TMEM244: variants seen among roughly 807,000 people sequenced by gnomAD.
TMEM244 encodes the protein transmembrane protein 244, also known as putative transmembrane protein 244.
In TMEM244, 13 loss-of-function variants were observed where a neutral mutation model predicts 15.8. The observed-to-expected ratio is 0.82, with a 90% CI of 0.53 to 1.30. The LOEUF is 1.30. Ranked by LOEUF, TMEM244 falls within the 50% of genes most tolerant of loss-of-function variation. The pLI is 0.00. For missense variants in TMEM244, 161 were observed against 144.9 expected, an observed-to-expected ratio of 1.11 and a Z score of -0.57; for synonymous variants, 45 against 48.7, an observed-to-expected ratio of 0.92 and a Z score of 0.32.
At chr6:129,835,377 T>A (rs1107821) in intron 3 of TMEM244, among the ~76,000 whole-genome samples, 55,208 of 150,222 alleles carry the variant, frequency 0.37, 10,568 homozygotes, top group South Asian at 0.5. Context: ...CACTCGAGAC[T>A]GGGTGACAGA....
intron 1 of TMEM244, among the ~76,000 whole-genome samples, chr6:129,860,866 C>T (rs1365615697): frequency 3.3e-5 from 5 of 151,158 alleles, no homozygotes; most frequent in South Asian, 2.1e-4. Context: ...TTTCAGAAAA[C>T]GATAGCAGAC....
chr6:129,846,017 G>A (rs1416882999), intron 1 of TMEM244, among the ~76,000 whole-genome samples, 165 bp from the exon 2 acceptor site: 2 of 152,156 alleles, frequency 1.3e-5, no homozygotes, highest in Non-Finnish European at 2.9e-5. Flanking sequence ...CCATCTTGGA[G>A]CTTCTTTAGC....
intron 3 of TMEM244, among the ~76,000 whole-genome samples, chr6:129,839,830 T>C (rs768850938): frequency 5.0e-4 from 76 of 152,274 alleles, no homozygotes; most frequent in South Asian, 8.3e-4. Flanking sequence ...CCATTCACAA[T>C]TGCTACAAAG....
At chr6:129,855,008 C>T (rs1396153797) in intron 1 of TMEM244, among the ~76,000 whole-genome samples, 1 of 152,120 alleles carries the variant, frequency 6.6e-6, no homozygotes, top group Non-Finnish European at 1.5e-5. Context: ...TTTTAAGAAA[C>T]CTCTCAGGTG....
chr6:129,835,241 GA>G (rs1224219017), intron 3 of TMEM244, among the ~76,000 whole-genome samples: 3 of 151,820 alleles, frequency 2.0e-5, no homozygotes, highest in Admixed American at 6.6e-5. Flanking sequence ...AAAAGAAATT[GA>G]AAAAAACTTA....
intron 3 of TMEM244, among the ~76,000 whole-genome samples, chr6:129,837,217 G>A (rs1168629275): frequency 6.6e-6 from 1 of 152,238 alleles, no homozygotes; most frequent in Non-Finnish European, 1.5e-5. Flanking sequence ...CAGACTAACA[G>A]TGGATCTCTT....
chr6:129,847,675 A>AC (rs1455477144), intron 1 of TMEM244, among the ~76,000 whole-genome samples: 1 of 150,636 alleles, frequency 6.6e-6, no homozygotes, highest in African/African-American at 2.4e-5. Flanking sequence ...GCCTATGTCC[A>AC]CCCCTAGCCC....
chr6:129,838,861 C>T (rs1391597284), intron 3 of TMEM244, among the ~76,000 whole-genome samples: 2 of 152,158 alleles, frequency 1.3e-5, no homozygotes, highest in Non-Finnish European at 2.9e-5. Flanking sequence ...CACATACACC[C>T]TCCCAAGACT....
At chr6:129,852,906 C>T (rs1403358737) in intron 1 of TMEM244, among the ~76,000 whole-genome samples, 1 of 152,170 alleles carries the variant, frequency 6.6e-6, no homozygotes, top group African/African-American at 2.4e-5. Flanking sequence ...TTTTCTCCCT[C>T]AAGACCTGGT....
chr6:129,833,358 A>G, intron 4 of TMEM244, 102 bp downstream of exon 4: 1 of 1,292,514 alleles, frequency 7.7e-7, no homozygotes, highest in South Asian at 2.0e-5. Context: ...TCTAGCTATC[A>G]TACAAGAATA....
intron 2 of TMEM244, 96 bp downstream of exon 2, chr6:129,845,671 C>T (rs543482640): frequency 2.1e-6 from 2 of 937,382 alleles, no homozygotes; most frequent in African/African-American, 1.7e-5. Context: ...AATCCACATC[C>T]TCTAATCCAT....
chr6:129,838,610 C>T (rs932010618), intron 3 of TMEM244, among the ~76,000 whole-genome samples: 12 of 152,078 alleles, frequency 7.9e-5, no homozygotes, highest in African/African-American at 2.6e-4. Flanking sequence ...GATGGAGACA[C>T]AAAAACCCTT....
intron 3 of TMEM244, among the ~76,000 whole-genome samples, chr6:129,834,084 C>T (rs9492394): frequency 0.37 from 56,171 of 152,084 alleles, 10,817 homozygotes; most frequent in South Asian, 0.5. Flanking sequence ...TCGTTCAGAT[C>T]GTCACTTGGG....
intron 3 of TMEM244, among the ~76,000 whole-genome samples, chr6:129,838,982 C>A (rs886785857): frequency 1.3e-5 from 2 of 152,100 alleles, no homozygotes; most frequent in Admixed American, 6.6e-5. Context: ...GGATTCATAG[C>A]CAAATTCTAC....
At chr6:129,857,217 A>G (rs1372090813) in intron 1 of TMEM244, among the ~76,000 whole-genome samples, 1 of 151,938 alleles carries the variant, frequency 6.6e-6, no homozygotes, top group African/African-American at 2.4e-5. Context: ...CTGTAAATAG[A>G]GATAGTTTTA....
At chr6:129,850,612 C>A (rs2114643300) in intron 1 of TMEM244, among the ~76,000 whole-genome samples, 1 of 152,242 alleles carries the variant, frequency 6.6e-6, no homozygotes, top group Admixed American at 6.5e-5. Context: ...AGCAGAAACA[C>A]AATGCAAGCC....
At chr6:129,848,152 G>C (rs186831457) in intron 1 of TMEM244, among the ~76,000 whole-genome samples, 1 of 152,122 alleles carries the variant, frequency 6.6e-6, no homozygotes, top group East Asian at 1.9e-4. Flanking sequence ...GTCCCCTCCT[G>C]TCCATGCTCC....
intron 1 of TMEM244, among the ~76,000 whole-genome samples, chr6:129,853,917 G>A (rs578072740): frequency 5.0e-4 from 76 of 152,260 alleles, no homozygotes; most frequent in African/African-American, 1.6e-3. Context: ...GCTTGACGGG[G>A]CATAATTCAA....
At chr6:129,836,602 C>G (rs537068622) in intron 3 of TMEM244, among the ~76,000 whole-genome samples, 1 of 152,082 alleles carries the variant, frequency 6.6e-6, no homozygotes, top group Admixed American at 6.6e-5. Context: ...GCTTCAGAAA[C>G]CTACTTGGTA....
Sources: gnomAD v4.1 joint callset for allele counts (sites outside exome capture counted in the v4.1 genomes callset) on GRCh38, gnomAD v4.1.1 for gene constraint, MANE v1.5 for transcripts, NCBI Gene and HGNC (gene_info 2026-07-23, HGNC 2026-07-21) for gene names.